Variants in MIGA1 observed in about 807,000 individuals in gnomAD.
MIGA1 encodes the protein family with sequence similarity 73, member A.
In MIGA1, 58 loss-of-function variants were observed where a neutral mutation model predicts 82.0. The observed-to-expected ratio is 0.71, with a 90% CI of 0.57 to 0.88. The LOEUF is 0.88. Ranked by LOEUF, MIGA1 falls within the 40% of genes least tolerant of loss-of-function variation. The pLI is 0.00. For synonymous variants in MIGA1, 249 were observed against 253.6 expected (o/e 0.98, Z 0.17); for missense variants, 751 against 749.1 (o/e 1.00, Z -0.03).
intron 7 of MIGA1, among the ~76,000 whole-genome samples, chr1:77,825,775 G>A (rs1684008266): frequency 6.6e-6 from 1 of 151,960 alleles, no homozygotes; most frequent in African/African-American, 2.4e-5. Context: ...ACTTCTGAAG[G>A]CTTAACGAAA....
At chr1:77,815,021 T>G in intron 6 of MIGA1, 87 bp from the exon 7 acceptor site, 3 of 937,908 alleles carry the variant, frequency 3.2e-6, no homozygotes, top group South Asian at 5.6e-5. Flanking sequence ...ACTCACTTTC[T>G]TTGCCTTTTA....
rs536966495 is a variant in MIGA1, at chr1:77,848,597, C to T, written c.996+5190C>T. 240 of 1,410,162 alleles carry T rather than the reference C, an allele frequency of 1.7e-4. 1 individual carries two copies. The South Asian group carries it at 2.9e-3, about 17-fold the overall frequency. 87.4% of individuals were successfully genotyped at this position (1,410,162 alleles called of 1,614,324 possible). On this transcript the variant is annotated intron_variant, in intron 8 of 15. Transcript: ENST00000370791. The stretch of plus-strand genomic sequence containing the variant: ...AAAGAAGGAAACCAGGAGAAACCCT[C>T]TAATTCTGAATCATCACTGGGAGCA...
chr1:77,804,715 C>T (rs1683021569), intron 4 of MIGA1, among the ~76,000 whole-genome samples: 1 of 151,828 alleles, frequency 6.6e-6, no homozygotes, highest in African/African-American at 2.4e-5. Flanking sequence ...TTGCAACCTC[C>T]ACCTCCTGGG....
intron 6 of MIGA1, 94 bp downstream of exon 6, chr1:77,813,961 C>T (rs996878221): frequency 1.5e-6 from 2 of 1,355,334 alleles, no homozygotes; most frequent in Admixed American, 2.0e-5. Flanking sequence ...ACTGTTGTTA[C>T]CCAGGCTGAG....
At chr1:77,861,106 T>G (rs1280656021) in intron 11 of MIGA1, 118 bp from the exon 12 acceptor site, 4 of 637,306 alleles carry the variant, frequency 6.3e-6, no homozygotes, top group Admixed American at 6.6e-5. Flanking sequence ...ACCTTTAAAA[T>G]GTATTTTAGT....
chr1:77,866,504 G>T (rs1041400810), intron 14 of MIGA1, 113 bp downstream of exon 14: 5 of 975,316 alleles, frequency 5.1e-6, no homozygotes, highest in Non-Finnish European at 8.2e-6. Flanking sequence ...GGGTAGGAGG[G>T]ACTGTCCCTC....
intron 1 of MIGA1, chr1:77,779,989 C>T (rs1570906421): frequency 3.2e-6 from 4 of 1,252,968 alleles, no homozygotes; most frequent in East Asian, 3.7e-5. Flanking sequence ...CATAGGAAAG[C>T]AGGAGGGTCC....
intron 7 of MIGA1, among the ~76,000 whole-genome samples, chr1:77,823,971 G>A (rs1416356179): frequency 6.6e-6 from 1 of 152,132 alleles, no homozygotes; most frequent in East Asian, 1.9e-4. Context: ...ACTTCTGCAA[G>A]TGATTTGGTT....
chr1:77,803,217 A>G (rs1682956074), intron 3 of MIGA1, 53 bp from the exon 4 acceptor site: 9 of 1,228,210 alleles, frequency 7.3e-6, no homozygotes, highest in Admixed American at 3.0e-5. Flanking sequence ...TTTTACCTGA[A>G]ATTTATCATT....
intron 2 of MIGA1, 70 bp downstream of exon 2, chr1:77,783,421 T>A: frequency 1.1e-6 from 1 of 911,066 alleles, no homozygotes. Context: ...GTTTACATTA[T>A]TTCAGTTTTA....
intron 14 of MIGA1, among the ~76,000 whole-genome samples, chr1:77,867,466 T>C (rs1347090410): frequency 6.6e-6 from 1 of 152,180 alleles, no homozygotes; most frequent in Non-Finnish European, 1.5e-5. Context: ...TTGCTAGGAC[T>C]ACAGGTGCAC....
rs1681821876 is a variant in MIGA1, at chr1:77,779,891, C to G, written c.81+155C>G. On this transcript the variant is annotated intron_variant, in intron 1 of 15. Coordinates refer to ENST00000370791, the MANE Select transcript of MIGA1 (RefSeq NM_198549.4). ...GAGTGCCAGGTGGAGCGGCGGAAAGCCAGAGGGTCTACGGCCGTGCCACCC... is the reference window on the plus strand; with the variant it reads ...GAGTGCCAGGTGGAGCGGCGGAAAGGCAGAGGGTCTACGGCCGTGCCACCC... 3 of 1,423,592 alleles carry G rather than the reference C, an allele frequency of 2.1e-6. No individual in the cohort carries two copies. In the African/African-American group the frequency reaches 4.4e-5, roughly 21 times the overall value. The allele number at this position is 1,423,592 out of a possible 1,614,324, so 88.2% of individuals were successfully genotyped here.
At position 77,879,379 on chromosome 1, in the gene MIGA1, G is replaced by A. The variant is rs368168531; in HGVS notation, c.*4315G>A. 1 of 152,134 alleles carries A rather than the reference G, an allele frequency of 6.6e-6. No individual in the cohort carries two copies. Among genetic ancestry groups the A allele is most frequent in the South Asian group, 2.1e-4 (1 of 4,832 alleles). 9.4% of individuals were successfully genotyped at this position (152,134 alleles called of 1,614,324 possible). A position where few individuals can be genotyped will look rare whatever the true frequency, so the allele number is the denominator to read the frequency against. ...CATGTATTAGCTTTACTTAGCTGAT[G>A]TCAGTAAATGTTTCTGTCTCCTAAA... is the stretch of plus-strand genomic sequence containing the variant. On this transcript the variant is annotated 3_prime_UTR_variant, in exon 16 of 16. Coordinates refer to ENST00000370791, the MANE Select transcript of MIGA1 (RefSeq NM_198549.4).
intron 8 of MIGA1, among the ~76,000 whole-genome samples, chr1:77,851,061 G>A (rs527952392): frequency 1.3e-5 from 2 of 152,132 alleles, no homozygotes; most frequent in South Asian, 4.1e-4. Flanking sequence ...GTAGAGATGG[G>A]GTTTTGCCAT....
In MIGA1 at chr1:77,866,303, A is replaced by C. The variant is rs568330841; in HGVS notation, c.1510-35A>C. ...TAAAAATGGAAATGTTTATATAGCT[A>C]TATATAAATCTTTCTTTTCTCTGCA... On this transcript the variant is annotated intron_variant, in intron 13 of 15. Coordinates refer to ENST00000370791, the MANE Select transcript of MIGA1 (RefSeq NM_198549.4). 22 of 1,570,064 alleles carry C rather than the reference A, an allele frequency of 1.4e-5. No homozygotes were observed. The South Asian group carries it at 2.4e-4, about 17-fold the overall frequency.
chr1:77,818,019 G>C (rs1260679928), intron 7 of MIGA1, among the ~76,000 whole-genome samples: 2 of 145,014 alleles, frequency 1.4e-5, no homozygotes, highest in Admixed American at 7.0e-5. Flanking sequence ...GCAGTGGTGT[G>C]ATCTCAGCTT....
intron 13 of MIGA1, among the ~76,000 whole-genome samples, chr1:77,865,818 A>G (rs1461440701): frequency 6.6e-6 from 1 of 151,244 alleles, no homozygotes; most frequent in African/African-American, 2.4e-5. Context: ...CCCTTGCAAC[A>G]TACAACTTTG....
chr1:77,816,184 TC>T (rs1171853576), intron 7 of MIGA1, among the ~76,000 whole-genome samples: 4 of 152,108 alleles, frequency 2.6e-5, no homozygotes, highest in African/African-American at 4.8e-5. Context: ...CCTCAAGTGA[TC>T]CTCCCACCTC....
intron 8 of MIGA1, among the ~76,000 whole-genome samples, chr1:77,844,135 T>TATAGATAGATAG (rs1238283613): frequency 3.6e-5 from 4 of 112,530 alleles, no homozygotes; most frequent in African/African-American, 1.5e-4. Context: ...TATATATATA[T>TATAGATAGATAG]ATAGATAGAT....
Sources: gnomAD v4.1 joint callset for allele counts (sites outside exome capture counted in the v4.1 genomes callset) on GRCh38, gnomAD v4.1.1 for gene constraint, MANE v1.5 for transcripts, NCBI Gene and HGNC (gene_info 2026-07-23, HGNC 2026-07-21) for gene names.